Variants in ANKRD36 observed in about 807,000 individuals in gnomAD.
ANKRD36 encodes the protein ankyrin repeat domain 36, also known as ankyrin repeat domain-containing protein 36A.
In ANKRD36, 179 loss-of-function variants were observed where a neutral mutation model predicts 278.1. That is an observed-to-expected ratio of 0.64 (90% CI 0.57 to 0.73). ANKRD36 has a LOEUF of 0.73. Among genes scored for constraint, ANKRD36 ranks in the 30% least tolerant of loss-of-function variants. ANKRD36 has a pLI of 0.00. For synonymous variants in ANKRD36, 320 were observed against 641.1 expected, an observed-to-expected ratio of 0.50 and a Z score of 7.57; for missense variants, 1,159 against 1,956.7, an observed-to-expected ratio of 0.59 and a Z score of 7.69.
At chr2:97,197,768 G>T (rs1180831738) in intron 42 of ANKRD36, among the ~76,000 whole-genome samples, 1 of 151,910 alleles carries the variant, frequency 6.6e-6, no homozygotes, top group Admixed American at 6.6e-5. Context: ...GATAATTGAT[G>T]ATATTTTTAT....
At chr2:97,121,621 G>C (rs1175595708) in intron 3 of ANKRD36, among the ~76,000 whole-genome samples, 1 of 151,992 alleles carries the variant, frequency 6.6e-6, no homozygotes, top group Non-Finnish European at 1.5e-5. Flanking sequence ...ACTCCAGCCT[G>C]GGCGACAGAG....
intron 6 of ANKRD36, among the ~76,000 whole-genome samples, chr2:97,128,195 G>C (rs1311186821): frequency 9.9e-5 from 15 of 150,988 alleles, no homozygotes; most frequent in Admixed American, 3.3e-4. Context: ...GACGTAGAAT[G>C]ATGTTATTAT....
intron 16 of ANKRD36, 71 bp from the exon 17 acceptor site, chr2:97,158,517 A>G (rs1159977957): frequency 1.3e-6 from 2 of 1,495,296 alleles, no homozygotes; most frequent in African/African-American, 1.4e-5. Flanking sequence ...GTGAGCCCCC[A>G]CACCCGGTTC....
chr2:97,193,815 T>G (rs1402868957), intron 38 of ANKRD36, among the ~76,000 whole-genome samples: 1 of 151,622 alleles, frequency 6.6e-6, no homozygotes. Context: ...GAGCTACCTC[T>G]TGGATAAAAA....
chr2:97,226,789 A>G (rs1398447855), intron 67 of ANKRD36, among the ~76,000 whole-genome samples: 2 of 151,340 alleles, frequency 1.3e-5, no homozygotes, highest in Non-Finnish European at 2.9e-5. Context: ...ATCCATCTTG[A>G]ATTAATTTTT....
intron 67 of ANKRD36, among the ~76,000 whole-genome samples, chr2:97,226,344 G>T (rs1232723299): frequency 6.6e-6 from 1 of 151,926 alleles, no homozygotes; most frequent in Non-Finnish European, 1.5e-5. Flanking sequence ...GTATCTCATT[G>T]TGGTTTTGAT....
intron 66 of ANKRD36, among the ~76,000 whole-genome samples, chr2:97,223,099 T>C (rs2068229001): frequency 1.5e-5 from 1 of 64,556 alleles, no homozygotes; most frequent in Non-Finnish European, 2.4e-5. Context: ...TATTATACAC[T>C]TTTTTTTTTT....
chr2:97,201,583 G>C (rs1468724648), intron 46 of ANKRD36, among the ~76,000 whole-genome samples: 2 of 151,944 alleles, frequency 1.3e-5, no homozygotes, highest in African/African-American at 4.8e-5. Flanking sequence ...TAAACTAGTG[G>C]ATACAAGAAG....
chr2:97,160,195 T>C (rs899938195), intron 17 of ANKRD36, among the ~76,000 whole-genome samples: 1 of 152,306 alleles, frequency 6.6e-6, no homozygotes, highest in Non-Finnish European at 1.5e-5. Context: ...TTTCTGGAGC[T>C]AGTCTGACTT....
chr2:97,206,242 A>T, intron 52 of ANKRD36, 107 bp downstream of exon 52: 1 of 1,230,732 alleles, frequency 8.1e-7, no homozygotes, highest in Non-Finnish European at 1.1e-6. Flanking sequence ...TTTCTGATTC[A>T]GCAGGCCGGA....
Position 97,144,702 on chromosome 2 carries a change from A to T in ANKRD36, c.993A>T (p.Lys331Asn). 6.5e-7 allele frequency: 1 copy of T among 1,544,288 alleles called. No individual in the cohort carries two copies. The highest frequency in any genetic ancestry group is 8.7e-7 in the Non-Finnish European group (1 of 1,146,312). ...CCACAGAAATAAAAGATGAACAAAAATCTGGGACAGGTAATTTTGCAATAC... is the reference window on the plus strand; with the variant it reads ...CCACAGAAATAAAAGATGAACAAAATTCTGGGACAGGTAATTTTGCAATAC... ...NTATEIKDEQ[K>N]SGTVLPAVEQ... The change falls in exon 10 of 76, where the codon AAA (lysine) becomes AAT (asparagine). Residue 331 changes from lysine to asparagine, a missense_variant. Coordinates refer to ENST00000420699, the MANE Select transcript of ANKRD36 (RefSeq NM_001354587.1).
intron 6 of ANKRD36, among the ~76,000 whole-genome samples, chr2:97,133,930 A>G (rs2040826034): frequency 6.6e-6 from 1 of 151,972 alleles, no homozygotes; most frequent in Non-Finnish European, 1.5e-5. Context: ...CATCATAATA[A>G]TCACCCAAAG....
At chr2:97,187,009 G>C (rs968542754) in intron 30 of ANKRD36, among the ~76,000 whole-genome samples, 189 bp from the exon 31 acceptor site, 1 of 151,770 alleles carries the variant, frequency 6.6e-6, no homozygotes, top group Non-Finnish European at 1.5e-5. Flanking sequence ...GGAATATATC[G>C]TGGCACATCT....
At chr2:97,196,321 A>G (rs1373254711) in intron 40 of ANKRD36, among the ~76,000 whole-genome samples, 1 of 88,446 alleles carries the variant, frequency 1.1e-5, no homozygotes, top group Non-Finnish European at 3.9e-5. Context: ...CACTCGGCCT[A>G]AGACATTGAT....
chr2:97,198,503 G>A lies in ANKRD36; in HGVS notation c.2682+12G>A. Reference sequence around the variant, plus strand: ...CACCAGGCTTGAAGGTAATGAAACTGTCATTTATATTGTGACCTAGTAAAT... The same window carrying A: ...CACCAGGCTTGAAGGTAATGAAACTATCATTTATATTGTGACCTAGTAAAT... On this transcript the variant is annotated intron_variant, in intron 43 of 75. Transcript: ENST00000420699. 1 of 1,575,978 alleles carries A rather than the reference G, an allele frequency of 6.3e-7. No homozygotes were observed. Among genetic ancestry groups the A allele is most frequent in the Non-Finnish European group, 8.6e-7 (1 of 1,163,078 alleles).
intron 6 of ANKRD36, among the ~76,000 whole-genome samples, chr2:97,137,467 T>C (rs577906702): frequency 6.6e-6 from 1 of 151,880 alleles, no homozygotes; most frequent in Non-Finnish European, 1.5e-5. Context: ...ATTTTTTTTT[T>C]AATAAAGAGT....
intron 62 of ANKRD36, chr2:97,216,777 G>A (rs1349130482): frequency 2.3e-6 from 1 of 442,394 alleles, no homozygotes; most frequent in Non-Finnish European, 4.0e-6. Context: ...TAGTATAATG[G>A]TGTAAATCCT....
intron 11 of ANKRD36, among the ~76,000 whole-genome samples, chr2:97,148,142 G>C (rs1349373572): frequency 2.0e-5 from 3 of 152,104 alleles, no homozygotes; most frequent in Non-Finnish European, 4.4e-5. Context: ...GTGATCCAGG[G>C]TGGATGTCTC....
intron 66 of ANKRD36, among the ~76,000 whole-genome samples, chr2:97,220,071 G>A (rs1397004272): frequency 1.6e-5 from 2 of 128,742 alleles, no homozygotes; most frequent in Non-Finnish European, 3.0e-5. Flanking sequence ...GTGTGTGTGT[G>A]TGTGTGTGTG....
Sources: allele counts gnomAD v4.1 joint callset (sites outside exome capture counted in the v4.1 genomes callset), GRCh38; gene constraint gnomAD v4.1.1; transcripts MANE v1.5; gene names NCBI Gene and HGNC (gene_info 2026-07-23, HGNC 2026-07-21).